Variants in POLR1A observed in about 807,000 individuals in gnomAD.
POLR1A encodes the protein RNA polymerase I subunit A.
POLR1A carries 84 observed loss-of-function variants against 205.3 expected under a neutral mutation model. The observed-to-expected ratio is 0.41, with a 90% CI of 0.34 to 0.49. The LOEUF is 0.49. Ranked by LOEUF, POLR1A falls within the 20% of genes least tolerant of loss-of-function variation. The pLI, the probability that POLR1A is intolerant of heterozygous loss-of-function variation, is 0.22. For synonymous variants in POLR1A, 799 were observed against 863.7 expected (o/e 0.93, Z 1.31); for missense variants, 1,645 against 2,204.5 (o/e 0.75, Z 5.08).
chr2:86,029,442 G>A (rs960739180), intron 31 of POLR1A, among the ~76,000 whole-genome samples: 14 of 152,242 alleles, frequency 9.2e-5, no homozygotes, highest in African/African-American at 3.4e-4. Flanking sequence ...TGGAGACACA[G>A]CTCAAAGGAC....
At chr2:86,077,238 G>A (rs1673302995) in intron 11 of POLR1A, among the ~76,000 whole-genome samples, 1 of 152,230 alleles carries the variant, frequency 6.6e-6, no homozygotes, top group African/African-American at 2.4e-5. Context: ...CTGCTGCTGA[G>A]CACCACAGCA....
Position 86,067,700 on chromosome 2 carries a change from C to T in POLR1A, c.1867-2235G>A, listed in dbSNP as rs148274377. On this transcript the variant is annotated intron_variant, in intron 13 of 33. Coordinates refer to ENST00000263857, the MANE Select transcript of POLR1A (RefSeq NM_015425.6). ...AATAAAGATATGCTAAGAAAAATTACCTCAAAATACTGGTTTTCCTAGTTT... is the reference window on the plus strand; with the variant it reads ...AATAAAGATATGCTAAGAAAAATTATCTCAAAATACTGGTTTTCCTAGTTT... Among the ~76,000 whole-genome samples the T allele has an allele frequency of 1.5e-3, 235 of 152,094 alleles. 1 individual carries two copies. The East Asian group carries it at 0.038, about 24-fold the overall frequency.
Position 86,105,844 on chromosome 2 carries a change from T to C in POLR1A, c.-68A>G. ...CACTCACCACCTGACTATTCTTAAT[T>C]CAACCTCAAGCCCGGAGTCACCACG... On this transcript the variant is annotated 5_prime_UTR_variant, in exon 1 of 34. Coordinates refer to ENST00000263857, the MANE Select transcript of POLR1A (RefSeq NM_015425.6). 2 of 1,393,868 alleles carry C rather than the reference T, an allele frequency of 1.4e-6. No individual in the cohort carries two copies. The highest frequency in any genetic ancestry group is 3.5e-5 in the Admixed American group (2 of 56,464). 86.3% of individuals were successfully genotyped at this position (1,393,868 alleles called of 1,614,324 possible). A position where few individuals can be genotyped will look rare whatever the true frequency, so the allele number is the denominator to read the frequency against.
At chr2:86,049,103 A>G in intron 17 of POLR1A, 57 bp downstream of exon 17, 8 of 1,610,554 alleles carry the variant, frequency 5.0e-6, no homozygotes, top group Non-Finnish European at 5.9e-6. Context: ...GTGGGTTTTG[A>G]CTCAGCACAC....
chr2:86,096,739 T>C (rs1673711554), intron 3 of POLR1A, among the ~76,000 whole-genome samples: 2 of 151,918 alleles, frequency 1.3e-5, no homozygotes, highest in Admixed American at 1.3e-4. Flanking sequence ...AGAATGAAAC[T>C]AGATCTCCAC....
chr2:86,053,068 A>G (rs1241005477), intron 15 of POLR1A, 68 bp from the exon 16 acceptor site: 1 of 1,204,168 alleles, frequency 8.3e-7, no homozygotes, highest in Non-Finnish European at 1.1e-6. Flanking sequence ...CCCACCCTCT[A>G]CTCCATGTGT....
intron 1 of POLR1A, among the ~76,000 whole-genome samples, chr2:86,104,929 T>C (rs924858307): frequency 6.6e-6 from 1 of 152,214 alleles, no homozygotes; most frequent in Non-Finnish European, 1.5e-5. Flanking sequence ...TGAGATTGTC[T>C]AGGGACAATA....
chr2:86,081,538 G>A (rs1673401348), intron 8 of POLR1A, 63 bp downstream of exon 8: 1 of 1,040,194 alleles, frequency 9.6e-7, no homozygotes, highest in Admixed American at 2.2e-5. Context: ...TCTCCTAGAG[G>A]TCACATTTCA....
At chr2:86,088,526 G>T in intron 6 of POLR1A, 40 bp downstream of exon 6, 1 of 1,251,846 alleles carries the variant, frequency 8.0e-7, no homozygotes, top group Non-Finnish European at 1.2e-6. Context: ...CACATCTGCT[G>T]GCCTCACATG....
chr2:86,052,762 G>T, intron 16 of POLR1A, 55 bp downstream of exon 16: 2 of 1,371,362 alleles, frequency 1.5e-6, no homozygotes, highest in Non-Finnish European at 1.9e-6. Flanking sequence ...CTGGGAGATG[G>T]CCAGGCGGCT....
intron 14 of POLR1A, among the ~76,000 whole-genome samples, chr2:86,063,471 T>TA (rs1226893951): frequency 6.6e-6 from 1 of 151,900 alleles, no homozygotes; most frequent in Non-Finnish European, 1.5e-5. Context: ...CACAAACTCT[T>TA]ACAGAAAACC....
intron 6 of POLR1A, 103 bp from the exon 7 acceptor site, chr2:86,083,271 C>CA: frequency 1.3e-6 from 1 of 792,258 alleles, no homozygotes; most frequent in Non-Finnish European, 2.2e-6. Context: ...AACTTGACCA[C>CA]AAAAATCAAT....
chr2:86,105,548 G>A (rs751040106), intron 1 of POLR1A, 152 bp downstream of exon 1: 4 of 599,080 alleles, frequency 6.7e-6, no homozygotes, highest in Non-Finnish European at 1.2e-5. Context: ...GCCGGCCCAG[G>A]AACGTTCCCA....
At chr2:86,041,149 C>CTGTG (rs756415592) in intron 24 of POLR1A, among the ~76,000 whole-genome samples, 1,614 of 122,262 alleles carry the variant, frequency 0.013, 18 homozygotes, top group East Asian at 0.035. Flanking sequence ...CTGAGCTACA[C>CTGTG]TGTGTGTGTG....
In POLR1A at chr2:86,098,229, C is replaced by T. The variant is rs953689726; in HGVS notation, c.432+382G>A. On this transcript the variant is annotated intron_variant, in intron 3 of 33. Coordinates refer to ENST00000263857, the MANE Select transcript of POLR1A (RefSeq NM_015425.6). ...GTAAGAAATCCTATAAGACAACTGG[C>T]TTTGAGTCTCCAAAAAAGTTGGTAT... Among the ~76,000 whole-genome samples, 99 of 152,142 alleles carry T rather than the reference C, an allele frequency of 6.5e-4. 1 individual carries two copies. The highest frequency in any genetic ancestry group is 2.4e-3 in the African/African-American group (98 of 41,440).
chr2:86,033,560 C>T, intron 28 of POLR1A, 101 bp downstream of exon 28: 1 of 1,329,970 alleles, frequency 7.5e-7, no homozygotes, highest in Non-Finnish European at 1.0e-6. Context: ...GATGGGCCAG[C>T]ACCAGGATGG....
rs201827580 is a variant in POLR1A, at chr2:86,089,911, C to G, written c.451G>C (p.Asp151His). The change falls in exon 4 of 34, where the codon GAT (aspartate) becomes CAT (histidine). Residue 151 changes from aspartate to histidine, a missense_variant. Physicochemically the swap from Asp to His is moderately conservative, Grantham distance 81 (BLOSUM62 -1). Transcript: ENST00000263857. ...ILNRFLEENPDPSASEIREEL... is the reference protein window; with the variant it reads ...ILNRFLEENPHPSASEIREEL... ...TCCCGAATTTCAGAGGCAGAGGGAT[C>G]GGGATTTTCTTCCAGAAACTGGAAA... The G allele has an allele frequency of 1.9e-6, 3 of 1,597,666 alleles. No homozygotes were observed. In the Admixed American group the frequency reaches 5.0e-5, roughly 27 times the overall value.
At chr2:86,068,918 T>A (rs145381486) in intron 13 of POLR1A, among the ~76,000 whole-genome samples, 194 of 152,286 alleles carry the variant, frequency 1.3e-3, no homozygotes, top group African/African-American at 4.4e-3. Context: ...ACACTAGGCA[T>A]CTCTGAGCAG....
chr2:86,048,307 CAG>C (rs1198780607), intron 18 of POLR1A, among the ~76,000 whole-genome samples: 12 of 152,352 alleles, frequency 7.9e-5, no homozygotes, highest in Middle Eastern at 3.4e-3. Flanking sequence ...TCAGCTCATG[CAG>C]AGATTTCCCC....
Sources: allele counts gnomAD v4.1 joint callset (sites outside exome capture counted in the v4.1 genomes callset), GRCh38; gene constraint gnomAD v4.1.1; transcripts MANE v1.5; gene names NCBI Gene and HGNC (gene_info 2026-07-23, HGNC 2026-07-21).